The following VARS2 variants were observed in gnomAD, a reference collection of about 807,000 sequenced individuals.
The protein encoded by VARS2 is valine--tRNA ligase, mitochondrial.
VARS2 carries 105 observed loss-of-function variants against 154.1 expected under a neutral mutation model. The observed-to-expected ratio is 0.68, with a 90% CI of 0.58 to 0.80. The LOEUF (loss-of-function observed/expected upper bound fraction) is 0.80, where lower values mean the gene tolerates loss of function less well. Among genes scored for constraint, VARS2 ranks in the 30% least tolerant of loss-of-function variants. The pLI, the probability that VARS2 is intolerant of heterozygous loss-of-function variation, is 0.00. For synonymous variants in VARS2, 483 were observed against 539.5 expected, an observed-to-expected ratio of 0.90 and a Z score of 1.45; for missense variants, 1,157 against 1,361.4, an observed-to-expected ratio of 0.85 and a Z score of 2.36.
At position 30,924,565 on chromosome 6, in the gene VARS2, G is replaced by A. The variant is rs894578847; in HGVS notation, c.2673+5G>A. 43 of 1,513,494 alleles carry A rather than the reference G, an allele frequency of 2.8e-5. No individual in the cohort carries two copies. The highest frequency in any genetic ancestry group is 3.4e-5 in the Non-Finnish European group (38 of 1,123,374). The allele number at this position is 1,513,494 out of a possible 1,614,324, so 93.8% of individuals were successfully genotyped here. A position where few individuals can be genotyped will look rare whatever the true frequency, so the allele number is the denominator to read the frequency against. ...TACCCCAGCGCCTGCAGCTTGGTGA[G>A]TCCCAAGCACCTTGGAGTGGGTCTG... is the stretch of plus-strand genomic sequence containing the variant. On this transcript the variant is annotated splice_donor_5th_base_variant and intron_variant, in intron 26 of 29. Transcript: ENST00000676266.
Position 30,922,482 on chromosome 6 carries a change from G to C in VARS2, c.1965G>C (p.Gln655His), listed in dbSNP as rs1385637748. ...TTCATCCCATGGTTCGGGACAGGCA[G>C]GGCCGGAAGATGAGCAAGTCCCTGG... is the stretch of plus-strand genomic sequence containing the variant. ...VLLHPMVRDRQGRKMSKSLGN... is the reference protein window; with the variant it reads ...VLLHPMVRDRHGRKMSKSLGN... Residue 655 changes from glutamine to histidine, a missense_variant, in exon 21 of 30, where the codon CAG becomes CAC. Physicochemically the swap from Gln to His is conservative, Grantham distance 24. Coordinates refer to ENST00000676266, the MANE Select transcript of VARS2 (RefSeq NM_020442.6). 6.2e-7 allele frequency: 1 copy of C among 1,600,086 alleles called. No homozygotes were observed. Among genetic ancestry groups the C allele is most frequent in the Non-Finnish European group, 8.5e-7 (1 of 1,173,938 alleles).
chr6:30,921,866 T>C lies in VARS2; in HGVS notation c.1736-59T>C, dbSNP rs1245178215. 15 of 1,603,594 alleles carry C rather than the reference T, an allele frequency of 9.4e-6. No individual in the cohort carries two copies. Among genetic ancestry groups the C allele is most frequent in the Non-Finnish European group, 1.3e-5 (15 of 1,172,302 alleles). On this transcript the variant is annotated intron_variant, in intron 18 of 29. Coordinates refer to ENST00000676266, the MANE Select transcript of VARS2 (RefSeq NM_020442.6). The surrounding 1 kb of genome is among the most constrained non-coding windows in gnomAD (Gnocchi z 4.6). ...GGTTGGCCTAGAATGGTGGCAGCAG[T>C]GGTCTGAGGTCCTAGAAGCCAAGGT...
chr6:30,925,723 A>G lies in VARS2; in HGVS notation c.2961+4A>G. ...TCAAGTCTACATGGAGCTGCAGGTG[A>G]CCAGAGGGGATGGGGAGGGTTAGGG... On this transcript the variant is annotated splice_donor_region_variant and intron_variant, in intron 28 of 29. Transcript: ENST00000676266. The G allele has an allele frequency of 6.2e-7, 1 of 1,610,982 alleles. No individual in the cohort carries two copies. The highest frequency in any genetic ancestry group is 8.5e-7 in the Non-Finnish European group (1 of 1,179,654).
rs552186249 is a variant in VARS2 at position 30,923,022 on chromosome 6, A to G, written c.2185+46A>G. 18 of 1,604,208 alleles carry G rather than the reference A, an allele frequency of 1.1e-5. No homozygotes were observed. In the East Asian group the frequency reaches 3.8e-4, roughly 34 times the overall value. Reference sequence around the variant, plus strand: ...TCGGGGTGAGCAGAGGGCAGCGGGCACCTGTGCAGGGGCAGGGCAGGGGCA... The same window carrying G: ...TCGGGGTGAGCAGAGGGCAGCGGGCGCCTGTGCAGGGGCAGGGCAGGGGCA... On this transcript the variant is annotated intron_variant, in intron 23 of 29. Transcript: ENST00000676266.
chr6:30,926,038 C>T (rs1288495277), intron 29 of VARS2, 30 bp downstream of exon 29: 3 of 1,612,892 alleles, frequency 1.9e-6, no homozygotes, highest in Non-Finnish European at 2.5e-6. Context: ...CCAGAAGGCT[C>T]CACCCCTGAG....
In VARS2 at chr6:30,919,328, A is replaced by C; in HGVS notation, c.1074+413A>C. The C allele has an allele frequency of 5.6e-6, 1 of 178,602 alleles. No homozygotes were observed. Among genetic ancestry groups the C allele is most frequent in the East Asian group, 1.4e-4 (1 of 7,102 alleles). 11.1% of individuals were successfully genotyped at this position (178,602 alleles called of 1,614,324 possible). ...GTATTTTTACAAAAATTAGTAATTA[A>C]TTTTTTTTAAGTAATGTAATTTTTA... On this transcript the variant is annotated intron_variant, in intron 11 of 29. Transcript: ENST00000676266. This position sits in a 1 kb window ranked among gnomAD's most constrained non-coding sequence, Gnocchi z 4.5.
rs1794197735 is a variant in VARS2, at chr6:30,916,674, C to T, written c.672-204C>T. The T allele has an allele frequency of 1.7e-6, 1 of 604,892 alleles. No homozygotes were observed. The allele number at this position is 604,892 out of a possible 1,614,324, so 37.5% of individuals were successfully genotyped here. ...CAATATGGCTATCCCTCCTCTCTTC[C>T]TATAGAATCTTTTGCCTCTTTTAAT... On this transcript the variant is annotated intron_variant, in intron 7 of 29. Transcript: ENST00000676266. The surrounding 1 kb of genome is among the most constrained non-coding windows in gnomAD (Gnocchi z 4.0).
rs745344704 is a variant in VARS2 at position 30,914,788 on chromosome 6, GCT to G, written c.-27-13_-27-12del. On this transcript the variant is annotated intron_variant, in intron 1 of 29. Transcript: ENST00000676266. The stretch of plus-strand genomic sequence containing the variant: ...CTTCTCCACCCCCATATCCTAATGT[GCT>G]CTCTCTCTATCCAGAACAGATCTCG... The G allele has an allele frequency of 6.9e-6, 11 of 1,601,598 alleles. No individual in the cohort carries two copies. Among genetic ancestry groups the G allele is most frequent in the African/African-American group, 5.4e-5 (4 of 74,608 alleles).
In VARS2 at chr6:30,917,706, G is replaced by C; in HGVS notation, c.885G>C (p.Arg295=). ...SAISDIEVEN[R]PLPGHTQLRL... is the part of the protein sequence containing the mutation. Reference sequence around the variant, plus strand: ...CTCGGTGCCTCCAGGTGGAGAACCGGCCCCTGCCTGGCCACACACAGCTTC... The same window carrying C: ...CTCGGTGCCTCCAGGTGGAGAACCGCCCCCTGCCTGGCCACACACAGCTTC... The change falls in exon 10 of 30, where the codon CGG becomes CGC. Residue 295 remains arginine, a synonymous_variant. Coordinates refer to ENST00000676266, the MANE Select transcript of VARS2 (RefSeq NM_020442.6). This position sits in a 1 kb window ranked among gnomAD's most constrained non-coding sequence, Gnocchi z 4.4. 1.3e-6 allele frequency: 2 copies of C among 1,559,536 alleles called. No homozygotes were observed. Among genetic ancestry groups the C allele is most frequent in the Non-Finnish European group, 1.7e-6 (2 of 1,151,564 alleles).
At position 30,924,383 on chromosome 6, in the gene VARS2, G is replaced by A. The variant is rs778513420; in HGVS notation, c.2496G>A (p.Ser832=). 16 of 1,612,316 alleles carry A rather than the reference G, an allele frequency of 9.9e-6. No homozygotes were observed. The highest frequency in any genetic ancestry group is 1.8e-4 in the Middle Eastern group (1 of 5,632). ...CTGTGAAGCCCGTGCTGTGGCACTC[G>A]CCCCGCCCCCTGGGGCCCCCTCAGG... is the stretch of plus-strand genomic sequence containing the variant. ...LEAVKPVLWH[S]PRPLGPPQVL... The change falls in exon 26 of 30, where the codon TCG becomes TCA. Residue 832 remains serine, a synonymous_variant. Coordinates refer to ENST00000676266, the MANE Select transcript of VARS2 (RefSeq NM_020442.6).
At chr6:30,923,075 T>C (rs1794630246) in intron 23 of VARS2, 29 bp from the exon 24 acceptor site, 2 of 1,611,976 alleles carry the variant, frequency 1.2e-6, no homozygotes, top group Non-Finnish European at 1.7e-6. Flanking sequence ...GCCACCTACA[T>C]GCAGACTACC....
In VARS2 at chr6:30,919,034, C is replaced by G; in HGVS notation, c.1074+119C>G. 1 of 927,938 alleles carries G rather than the reference C, an allele frequency of 1.1e-6. No individual in the cohort carries two copies. The highest frequency in any genetic ancestry group is 1.7e-6 in the Non-Finnish European group (1 of 598,778). 57.5% of individuals were successfully genotyped at this position (927,938 alleles called of 1,614,324 possible). On this transcript the variant is annotated intron_variant, in intron 11 of 29. Transcript: ENST00000676266. The surrounding 1 kb of genome is among the most constrained non-coding windows in gnomAD (Gnocchi z 4.5). ...TACTTCCTTTTCCTGAGACTTCTCTCAGTGGTTCTGATTGGACTCCCTCCT... is the reference window on the plus strand; with the variant it reads ...TACTTCCTTTTCCTGAGACTTCTCTGAGTGGTTCTGATTGGACTCCCTCCT...
At chr6:30,922,284 G>A (rs1254834321) in intron 20 of VARS2, 43 bp downstream of exon 20, 1 of 1,598,514 alleles carries the variant, frequency 6.3e-7, no homozygotes. Flanking sequence ...TGACTCCAGT[G>A]TTCCCCAAAC....
At position 30,921,659 on chromosome 6, in the gene VARS2, G is replaced by A; in HGVS notation, c.1703G>A (p.Gly568Glu). ...EAREVAAELT[G>E]RPGAELTLER... Reference sequence around the variant, plus strand: ...AGAGAGGTAGCAGCGGAACTGACAGGGAGGCCAGGGGCAGAGCTGACCCTG... The same window carrying A: ...AGAGAGGTAGCAGCGGAACTGACAGAGAGGCCAGGGGCAGAGCTGACCCTG... The change falls in exon 18 of 30, where the codon GGG (glycine) becomes GAG (glutamate). Residue 568 changes from glycine (G) to glutamate (E), a missense_variant. Coordinates refer to ENST00000676266, the MANE Select transcript of VARS2 (RefSeq NM_020442.6). This position sits in a 1 kb window ranked among gnomAD's most constrained non-coding sequence, Gnocchi z 4.6. The A allele has an allele frequency of 4.4e-6, 7 of 1,608,404 alleles. No individual in the cohort carries two copies. Among genetic ancestry groups the A allele is most frequent in the East Asian group, 4.5e-5 (2 of 44,758 alleles).
Position 30,925,382 on chromosome 6 carries a change from C to T in VARS2, c.2782C>T (p.Arg928Ter), listed in dbSNP as rs758570949. The T allele has an allele frequency of 3.7e-6, 6 of 1,608,172 alleles. No homozygotes were observed. The highest frequency in any genetic ancestry group is 1.1e-5 in the South Asian group (1 of 90,748). Residue 928 changes from arginine (R) to a stop codon, truncating the protein, a stop_gained, in exon 27 of 30, where the codon CGA becomes TGA. Coordinates refer to ENST00000676266, the MANE Select transcript of VARS2 (RefSeq NM_020442.6). LOFTEE classifies it high-confidence loss of function. ...ATYQLTKARP[R>*]VLLQSSEPGD... ...GTACCAGCTCACCAAAGCCCGGCCC[C>T]GAGGTGAGGCAAGGCGGGTCCTGGG...
intron 28 of VARS2, 52 bp downstream of exon 28, chr6:30,925,771 A>T (rs1369519969): frequency 1.6e-5 from 25 of 1,610,240 alleles, no homozygotes; most frequent in Non-Finnish European, 2.1e-5. Flanking sequence ...GCATGCTGGG[A>T]GGAAGGGAGG....
chr6:30,915,786 G>C lies in VARS2; in HGVS notation c.425G>C (p.Cys142Ser). ...GCTACAGGGGAGACCTTTTCCATGT[G>C]TATCCCACCTCCCAATGTCACTGGC... ...PQATGETFSM[C>S]IPPPNVTGSL... The change falls in exon 5 of 30, where the codon TGT (cysteine) becomes TCT (serine). Residue 142 changes from cysteine (C) to serine (S), a missense_variant. Transcript: ENST00000676266. 1.9e-6 allele frequency: 3 copies of C among 1,613,772 alleles called. No individual in the cohort carries two copies. Among genetic ancestry groups the C allele is most frequent in the Non-Finnish European group, 1.7e-6 (2 of 1,180,018 alleles).
rs754537349 is a variant in VARS2 at position 30,921,063 on chromosome 6, AG to A, written c.1480del. ...ATTGTCTAAAGTCCCCTTTCTCTCC[AG>A]GCTGTGGAGTCGGGGGCCCTGGAGC... On this transcript the variant is annotated splice_acceptor_variant, in intron 15 of 29. Transcript: ENST00000676266. LOFTEE classifies it high-confidence loss of function. The surrounding 1 kb of genome is among the most constrained non-coding windows in gnomAD (Gnocchi z 4.6). 10 of 1,610,414 alleles carry A rather than the reference AG, an allele frequency of 6.2e-6. No homozygotes were observed. Among genetic ancestry groups the A allele is most frequent in the Non-Finnish European group, 6.8e-6 (8 of 1,178,326 alleles).
Position 30,917,647 on chromosome 6 carries a change from G to A in VARS2, c.874-48G>A, listed in dbSNP as rs1296114410. The stretch of plus-strand genomic sequence containing the variant: ...GTGGCAGAGTGAAGCCTGGGCATGA[G>A]CCTTGCAGAAAGGCTGCCCTCTGAC... On this transcript the variant is annotated intron_variant, in intron 9 of 29. Coordinates refer to ENST00000676266, the MANE Select transcript of VARS2 (RefSeq NM_020442.6). The surrounding 1 kb of genome is among the most constrained non-coding windows in gnomAD (Gnocchi z 4.4). 6.7e-7 allele frequency: 1 copy of A among 1,500,618 alleles called. No individual in the cohort carries two copies. The highest frequency in any genetic ancestry group is 9.0e-7 in the Non-Finnish European group (1 of 1,113,490). The allele number at this position is 1,500,618 out of a possible 1,614,324, so 93.0% of individuals were successfully genotyped here.
Sources: gnomAD v4.1 joint callset for allele counts on GRCh38, gnomAD v4.1.1 for gene constraint, Gnocchi (gnomAD v3.1) non-coding constraint, MANE v1.5 for transcripts, NCBI Gene and HGNC (gene_info 2026-07-23, HGNC 2026-07-21) for gene names.